Variants in NIBAN2 observed in about 807,000 individuals in gnomAD.
The protein encoded by NIBAN2 is niban apoptosis regulator 2.
In NIBAN2, 36 loss-of-function variants were observed where a neutral mutation model predicts 81.8. The observed-to-expected ratio is 0.44, with a 90% CI of 0.34 to 0.58. NIBAN2 has a LOEUF of 0.58. Among genes scored for constraint, NIBAN2 ranks in the 20% least tolerant of loss-of-function variants. The pLI is 0.02. For synonymous variants in NIBAN2, 445 were observed against 441.6 expected (o/e 1.01, Z -0.10); for missense variants, 897 against 1,014.1 (o/e 0.88, Z 1.57).
chr9:127,526,396 C>T (rs142855607), intron 3 of NIBAN2, among the ~76,000 whole-genome samples: 4,252 of 87,702 alleles, frequency 0.048, 235 homozygotes, highest in African/African-American at 0.15. Flanking sequence ...TAGACTTCAT[C>T]TCAAAAAAAA....
intron 1 of NIBAN2, among the ~76,000 whole-genome samples, chr9:127,535,989 C>T (rs571097548): frequency 4.6e-5 from 7 of 152,160 alleles, no homozygotes; most frequent in African/African-American, 9.6e-5. Flanking sequence ...ACCTTAAGGA[C>T]GGAGCCCAGG....
At chr9:127,528,097 C>G (rs2132183328) in intron 2 of NIBAN2, among the ~76,000 whole-genome samples, 1 of 152,344 alleles carries the variant, frequency 6.6e-6, no homozygotes, top group Admixed American at 6.5e-5. Flanking sequence ...GAGTTGGCAC[C>G]TGACAGGCAG....
chr9:127,565,540 C>G (rs1172044897), intron 1 of NIBAN2, among the ~76,000 whole-genome samples: 2 of 151,990 alleles, frequency 1.3e-5, no homozygotes, highest in Non-Finnish European at 2.9e-5. Context: ...CGCCTATAAT[C>G]TTGGCACTTT....
chr9:127,566,392 T>G (rs897252560), intron 1 of NIBAN2, among the ~76,000 whole-genome samples: 2 of 152,084 alleles, frequency 1.3e-5, no homozygotes, highest in Admixed American at 1.3e-4. Flanking sequence ...CACTGCCTCG[T>G]GTAAGGAGGC....
intron 1 of NIBAN2, among the ~76,000 whole-genome samples, chr9:127,551,607 T>C (rs1206089075): frequency 6.6e-6 from 1 of 151,548 alleles, no homozygotes; most frequent in Non-Finnish European, 1.5e-5. Context: ...CTCAGCTACT[T>C]GGGAGGCTGA....
rs1564297676 is a variant in NIBAN2 at position 127,516,718 on chromosome 9, CACAGTGCAGATTTGGCTCTA to C, written c.973+119_973+138del. The C allele has an allele frequency of 3.4e-6, 3 of 894,272 alleles. No individual in the cohort carries two copies. In the African/African-American group the frequency reaches 5.0e-5, roughly 15 times the overall value. The allele number at this position is 894,272 out of a possible 1,614,324, so 55.4% of individuals were successfully genotyped here. A position where few individuals can be genotyped will look rare whatever the true frequency, so the allele number is the denominator to read the frequency against. ...AAACAACTCACAGGGGTTGGAGTAC[CACAGTGCAGATTTGGCTCTA>C]ATTCTTACAAATGATCAATGAGCAA... On this transcript the variant is annotated intron_variant, in intron 8 of 13. Coordinates refer to ENST00000373312, the MANE Select transcript of NIBAN2 (RefSeq NM_022833.4).
rs570826665 is a variant in NIBAN2, at chr9:127,541,905, C to T, written c.56-10127G>A. 8.2e-4 allele frequency among the ~76,000 whole-genome samples: 125 copies of T among 152,230 alleles called. 1 individual carries two copies. The highest frequency in any genetic ancestry group is 3.0e-3 in the African/African-American group (123 of 41,552). On this transcript the variant is annotated intron_variant, in intron 1 of 13. Transcript: ENST00000373312. ...GATTCCCACCCCACCACTACCTGCCCCCTAGCACAAGCCCAACAGGGTGAG... is the reference window on the plus strand; with the variant it reads ...GATTCCCACCCCACCACTACCTGCCTCCTAGCACAAGCCCAACAGGGTGAG...
intron 8 of NIBAN2, among the ~76,000 whole-genome samples, chr9:127,510,595 C>A (rs143795023): frequency 6.6e-6 from 1 of 152,032 alleles, no homozygotes; most frequent in African/African-American, 2.4e-5. Flanking sequence ...TGCCACTGTG[C>A]CCAGCTAATT....
chr9:127,573,522 C>G (rs1306260971), upstream of NIBAN2, among the ~76,000 whole-genome samples: 1 of 151,094 alleles, frequency 6.6e-6, no homozygotes, highest in African/African-American at 2.4e-5. Flanking sequence ...AGTTTGACAT[C>G]AGAGAATTTC....
At chr9:127,568,782 C>T in intron 1 of NIBAN2, 38 bp downstream of exon 1, 2 of 1,266,624 alleles carry the variant, frequency 1.6e-6, no homozygotes, top group Non-Finnish European at 2.0e-6. Flanking sequence ...GGGGTTCCGG[C>T]AGGCCCCTGG....
At position 127,568,996 on chromosome 9, in the gene NIBAN2, G is replaced by GCCGCTCCCGCCGCTCCCA. The variant is rs1459184469; in HGVS notation, c.-123_-122insTGGGAGCGGCGGGAGCGG. The GCCGCTCCCGCCGCTCCCA allele has an allele frequency of 6.3e-6, 7 of 1,113,182 alleles. No individual in the cohort carries two copies. In the African/African-American group the frequency reaches 1.3e-4, roughly 20 times the overall value. 69.0% of individuals were successfully genotyped at this position (1,113,182 alleles called of 1,614,324 possible). A position where few individuals can be genotyped will look rare whatever the true frequency, so the allele number is the denominator to read the frequency against. The stretch of plus-strand genomic sequence containing the variant: ...TGCTTCCCCCGCTCCCGCCGCTCCC[G>GCCGCTCCCGCCGCTCCCA]CCGCTCCCGCCGCCCGGCTGCGGCT... On this transcript the variant is annotated 5_prime_UTR_variant, in exon 1 of 14. Transcript: ENST00000373312.
chr9:127,568,642 G>T (rs766417402), intron 1 of NIBAN2, among the ~76,000 whole-genome samples, 178 bp downstream of exon 1: 3 of 152,042 alleles, frequency 2.0e-5, no homozygotes, highest in Non-Finnish European at 4.4e-5. Context: ...CGCGGGAAGG[G>T]GCGCCCAGGC....
In NIBAN2 at chr9:127,508,213, AGGG is replaced by A; in HGVS notation, c.1435-16_1435-14del. The A allele has an allele frequency of 6.2e-7, 1 of 1,606,788 alleles. No homozygotes were observed. Among genetic ancestry groups the A allele is most frequent in the Non-Finnish European group, 8.5e-7 (1 of 1,174,386 alleles). On this transcript the variant is annotated splice_polypyrimidine_tract_variant and intron_variant, in intron 11 of 13. Transcript: ENST00000373312. This position sits in a 1 kb window ranked among gnomAD's most constrained non-coding sequence, Gnocchi z 6.4. ...CGTAGTCGTATTTCTGCAGGGAACA[AGGG>A]GGTCGGGGGTCTGCAGGTCAGTGGG...
rs1383415726 is a variant in NIBAN2, at chr9:127,517,706, G to A, written c.705+120C>T. 4.2e-6 allele frequency: 3 copies of A among 709,532 alleles called. No homozygotes were observed. Among genetic ancestry groups the A allele is most frequent in the Admixed American group, 2.3e-5 (1 of 44,166 alleles). The allele number at this position is 709,532 out of a possible 1,614,324, so 44.0% of individuals were successfully genotyped here. On this transcript the variant is annotated intron_variant, in intron 6 of 13. Transcript: ENST00000373312. The surrounding 1 kb of genome is among the most constrained non-coding windows in gnomAD (Gnocchi z 4.0). ...CCTGCACTTGTCCAAATCTAAGCATGTCATCTCCTTCCAAACCGGCAGCGC... is the reference window on the plus strand; with the variant it reads ...CCTGCACTTGTCCAAATCTAAGCATATCATCTCCTTCCAAACCGGCAGCGC...
At chr9:127,526,360 AC>A (rs1190291356) in intron 3 of NIBAN2, among the ~76,000 whole-genome samples, 5 of 144,636 alleles carry the variant, frequency 3.5e-5, no homozygotes, top group African/African-American at 1.3e-4. Flanking sequence ...AGATGGCGCC[AC>A]TGCACTCCAG....
At chr9:127,534,606 A>G (rs1395498665) in intron 1 of NIBAN2, among the ~76,000 whole-genome samples, 5 of 152,086 alleles carry the variant, frequency 3.3e-5, no homozygotes, top group African/African-American at 9.7e-5. Flanking sequence ...TGCCTCAGTG[A>G]TGGGGGTGGA....
In NIBAN2 at chr9:127,514,383, T is replaced by A. The variant is rs560488974; in HGVS notation, c.973+2474A>T. On this transcript the variant is annotated intron_variant, in intron 8 of 13. Transcript: ENST00000373312. ...CATGATGTGACTATTACACATTGCA[T>A]GCCTGATCAAAACATCTCATGTACC... Among the ~76,000 whole-genome samples the A allele has an allele frequency of 3.8e-4, 58 of 152,220 alleles. 1 individual carries two copies. The South Asian group carries it at 0.011, about 30-fold the overall frequency.
chr9:127,569,089 C>G (rs1468948658), upstream of NIBAN2: 5 of 1,043,308 alleles, frequency 4.8e-6, no homozygotes, highest in South Asian at 1.3e-4. Flanking sequence ...CCTCCCTGCC[C>G]TCGGCCCTGC....
At chr9:127,537,590 G>C (rs1315396215) in intron 1 of NIBAN2, among the ~76,000 whole-genome samples, 3 of 152,188 alleles carry the variant, frequency 2.0e-5, no homozygotes, top group Non-Finnish European at 4.4e-5. Context: ...CCGTGGCTGG[G>C]ATCCCCTGGC....
Sources: gnomAD v4.1 joint callset for allele counts (sites outside exome capture counted in the v4.1 genomes callset) on GRCh38, gnomAD v4.1.1 for gene constraint, Gnocchi (gnomAD v3.1) non-coding constraint, MANE v1.5 for transcripts, NCBI Gene and HGNC (gene_info 2026-07-23, HGNC 2026-07-21) for gene names.